LOC128092252: variants seen among roughly 807,000 people sequenced by gnomAD.
chr15:50,681,334 T>G, the LOC128092252 span, among the ~76,000 whole-genome samples: 3 of 151,180 alleles, frequency 2.0e-5, no homozygotes, highest in Admixed American at 2.0e-4. Context: ...GCCGACACAT[T>G]AGCTAATGCA....
At chr15:50,651,207 A>G in the LOC128092252 span, among the ~76,000 whole-genome samples, 41 of 151,994 alleles carry the variant, frequency 2.7e-4, no homozygotes, top group Admixed American at 2.6e-3. Context: ...ATAAATAAAA[A>G]TTTCAAAGAA....
the LOC128092252 span, among the ~76,000 whole-genome samples, chr15:50,682,173 CAAAA>C: frequency 2.0e-4 from 13 of 63,680 alleles, no homozygotes; most frequent in Admixed American, 1.8e-3. Flanking sequence ...AACTCAGTCT[CAAAA>C]AAAAAAAAAA....
chr15:50,655,437 G>GAAAAAAAAAA, the LOC128092252 span, among the ~76,000 whole-genome samples: 1 of 89,358 alleles, frequency 1.1e-5, no homozygotes. Context: ...CATCTCAAAG[G>GAAAAAAAAAA]AAAAAAAAAA....
At chr15:50,685,725 T>C in the LOC128092252 span, among the ~76,000 whole-genome samples, 114 of 152,236 alleles carry the variant, frequency 7.5e-4, no homozygotes, top group African/African-American at 2.6e-3. Flanking sequence ...ATCTTCAAAA[T>C]TGGTTCCTGA....
At chr15:50,667,348 G>A in the LOC128092252 span, among the ~76,000 whole-genome samples, 6 of 152,132 alleles carry the variant, frequency 3.9e-5, no homozygotes, top group African/African-American at 9.7e-5. Flanking sequence ...TGGATCTCCC[G>A]CCTATGTATT....
the LOC128092252 span, among the ~76,000 whole-genome samples, chr15:50,681,266 C>T: frequency 9.1e-6 from 1 of 110,070 alleles, no homozygotes; most frequent in South Asian, 3.3e-4. Flanking sequence ...TAAATAAATA[C>T]ACACACACAC....
At chr15:50,684,156 G>GT in the LOC128092252 span, among the ~76,000 whole-genome samples, 299 of 142,550 alleles carry the variant, frequency 2.1e-3, no homozygotes, top group Middle Eastern at 3.8e-3. Flanking sequence ...TGATTAAGTC[G>GT]TTTTTTTTTT....
chr15:50,657,658 G>C, the LOC128092252 span: 1 of 837,074 alleles, frequency 1.2e-6, no homozygotes, highest in Non-Finnish European at 1.9e-6. Flanking sequence ...CCAAGTCTAG[G>C]TAAAGTACCC....
At chr15:50,657,181 G>A in the LOC128092252 span, among the ~76,000 whole-genome samples, 35 of 152,128 alleles carry the variant, frequency 2.3e-4, no homozygotes, top group African/African-American at 8.2e-4. Flanking sequence ...AAAATTAGCC[G>A]GGCATGGTGG....
At chr15:50,666,780 C>T in the LOC128092252 span, among the ~76,000 whole-genome samples, 2 of 151,566 alleles carry the variant, frequency 1.3e-5, no homozygotes, top group Admixed American at 1.3e-4. Flanking sequence ...CCAGCCTGGG[C>T]AACAAGAGCA....
chr15:50,653,835 G>C, the LOC128092252 span, among the ~76,000 whole-genome samples: 2 of 152,158 alleles, frequency 1.3e-5, no homozygotes, highest in Non-Finnish European at 2.9e-5. Context: ...ATTCTGTGAT[G>C]CCTAGCAGTA....
the LOC128092252 span, among the ~76,000 whole-genome samples, chr15:50,674,139 C>T: frequency 6.6e-6 from 1 of 152,174 alleles, no homozygotes; most frequent in Non-Finnish European, 1.5e-5. Context: ...CAGGTACCTG[C>T]CACCACGCCC....
the LOC128092252 span, among the ~76,000 whole-genome samples, chr15:50,674,624 C>A: frequency 6.6e-6 from 1 of 152,098 alleles, no homozygotes; most frequent in African/African-American, 2.4e-5. Flanking sequence ...TTTACATTTA[C>A]CAGTAAGTTT....
chr15:50,650,182 G>A, the LOC128092252 span, among the ~76,000 whole-genome samples: 2 of 95,546 alleles, frequency 2.1e-5, no homozygotes, highest in East Asian at 7.2e-4. Context: ...GAAAGAGTGA[G>A]ACTTTGTCTC....
the LOC128092252 span, among the ~76,000 whole-genome samples, chr15:50,666,674 T>C: frequency 2.6e-5 from 4 of 151,958 alleles, no homozygotes; most frequent in African/African-American, 7.2e-5. Context: ...TGGTGGTGCA[T>C]GCCTATAATC....
the LOC128092252 span, among the ~76,000 whole-genome samples, chr15:50,662,592 T>A: frequency 6.6e-6 from 1 of 152,200 alleles, no homozygotes; most frequent in Non-Finnish European, 1.5e-5. Context: ...AACCATAGTG[T>A]TGGATACCCA....
the LOC128092252 span, among the ~76,000 whole-genome samples, chr15:50,656,610 A>G: frequency 1.3e-5 from 2 of 150,942 alleles, no homozygotes; most frequent in Non-Finnish European, 2.9e-5. Flanking sequence ...TGCTGGGATT[A>G]CAGGCGCGAA....
At chr15:50,658,559 G>C in the LOC128092252 span, among the ~76,000 whole-genome samples, 1 of 147,098 alleles carries the variant, frequency 6.8e-6, no homozygotes, top group African/African-American at 2.5e-5. Flanking sequence ...GCGAAAGAGC[G>C]AGAAACTGTC....
chr15:50,649,668 G>C, the LOC128092252 span, among the ~76,000 whole-genome samples: 1 of 152,034 alleles, frequency 6.6e-6, no homozygotes, highest in Non-Finnish European at 1.5e-5. Flanking sequence ...TCTGAGGCTG[G>C]GGTACAAAGA....
Sources: allele counts gnomAD v4.1 joint callset (sites outside exome capture counted in the v4.1 genomes callset), GRCh38; gene constraint gnomAD v4.1.1; transcripts MANE v1.5.